ATAD2B: variants seen among roughly 807,000 people sequenced by gnomAD.
The protein encoded by ATAD2B is ATPase family AAA domain containing 2B, also known as ATPase family AAA domain-containing protein 2B.
ATAD2B carries 40 observed loss-of-function variants against 167.6 expected under a neutral mutation model. The ratio of observed to expected loss-of-function variants is 0.24; its 90% CI spans 0.19 to 0.31. The LOEUF (loss-of-function observed/expected upper bound fraction) is 0.31. Ranked by LOEUF, ATAD2B falls within the 10% of genes least tolerant of loss-of-function variation. The pLI, the probability that ATAD2B is intolerant of heterozygous loss-of-function variation, is 1.00. For synonymous variants in ATAD2B, 579 were observed against 596.5 expected (o/e 0.97, Z 0.43); for missense variants, 1,242 against 1,757.2 (o/e 0.71, Z 5.24).
At chr2:23,798,755 C>A (rs983021789) in intron 18 of ATAD2B, among the ~76,000 whole-genome samples, 4 of 152,082 alleles carry the variant, frequency 2.6e-5, no homozygotes, top group African/African-American at 9.7e-5. Context: ...TTTTGAGCAC[C>A]TTGACTAAAA....
At chr2:23,776,744 C>T (rs1334096242) in intron 22 of ATAD2B, among the ~76,000 whole-genome samples, 2 of 152,124 alleles carry the variant, frequency 1.3e-5, no homozygotes, top group Non-Finnish European at 2.9e-5. Context: ...TCTGCTGGCA[C>T]CTTAAGACAT....
the ATAD2B span, among the ~76,000 whole-genome samples, chr2:23,702,153 C>T: frequency 6.6e-6 from 1 of 152,096 alleles, no homozygotes. Flanking sequence ...CCCCCCACTT[C>T]CAGCCATTCC....
At chr2:23,882,387 G>A (rs1244733970) in intron 6 of ATAD2B, among the ~76,000 whole-genome samples, 1 of 151,230 alleles carries the variant, frequency 6.6e-6, no homozygotes, top group Non-Finnish European at 1.5e-5. Context: ...GTAGAGACAG[G>A]GTTTCACTAT....
chr2:23,859,862 A>G, intron 12 of ATAD2B, among the ~76,000 whole-genome samples: 1 of 151,806 alleles, frequency 6.6e-6, no homozygotes, highest in East Asian at 1.9e-4. Flanking sequence ...AGGCATGAGA[A>G]TCGCTTGAAC....
chr2:23,709,626 A>T, the ATAD2B span, among the ~76,000 whole-genome samples: 1 of 147,322 alleles, frequency 6.8e-6, no homozygotes, highest in South Asian at 2.2e-4. Flanking sequence ...ACCAAGACTA[A>T]GGGTCTCCTT....
At chr2:23,903,015 G>T (rs1003145899) in intron 1 of ATAD2B, among the ~76,000 whole-genome samples, 15 of 152,086 alleles carry the variant, frequency 9.9e-5, no homozygotes, top group Admixed American at 2.0e-4. Flanking sequence ...TGGGCAGATT[G>T]TTTGAGCTCA....
downstream of ATAD2B, among the ~76,000 whole-genome samples, chr2:23,743,864 G>A (rs998340199): frequency 1.3e-5 from 2 of 152,066 alleles, no homozygotes; most frequent in African/African-American, 4.8e-5. Flanking sequence ...TGGGCTCAAG[G>A]ATCCTTCTGC....
chr2:23,867,344 C>T (rs1268700488), intron 10 of ATAD2B, among the ~76,000 whole-genome samples: 1 of 152,116 alleles, frequency 6.6e-6, no homozygotes, highest in East Asian at 1.9e-4. Context: ...ATTAATTCAC[C>T]AAATTCTGTC....
At chr2:23,695,965 A>C in the ATAD2B span, 1 of 1,551,354 alleles carries the variant, frequency 6.4e-7, no homozygotes, top group Non-Finnish European at 8.7e-7. This position sits in a 1 kb window ranked among gnomAD's most constrained non-coding sequence, Gnocchi z 7.6. Flanking sequence ...GGCTGAGGTC[A>C]TCGTCTTGGT....
intron 13 of ATAD2B, among the ~76,000 whole-genome samples, chr2:23,854,326 C>T (rs770674542): frequency 1.6e-4 from 25 of 152,062 alleles, no homozygotes; most frequent in Non-Finnish European, 3.1e-4. Flanking sequence ...AACTTAAACC[C>T]TCACCTCTTA....
chr2:23,780,330 A>C (rs1679831132), intron 22 of ATAD2B, among the ~76,000 whole-genome samples: 1 of 150,160 alleles, frequency 6.7e-6, no homozygotes, highest in African/African-American at 2.4e-5. Flanking sequence ...AAAAAGAGGT[A>C]AAGCAAACAA....
intron 8 of ATAD2B, among the ~76,000 whole-genome samples, chr2:23,875,462 G>C (rs1696688479): frequency 6.6e-6 from 1 of 151,980 alleles, no homozygotes; most frequent in African/African-American, 2.4e-5. Context: ...CTGCGCCACT[G>C]CACTCCAGCC....
the ATAD2B span, among the ~76,000 whole-genome samples, chr2:23,731,770 G>A: frequency 1.3e-5 from 2 of 152,172 alleles, no homozygotes; most frequent in Non-Finnish European, 2.9e-5. Context: ...GAGGCCAGAA[G>A]TTCAAGACCA....
chr2:23,764,739 G>A (rs951118797), intron 23 of ATAD2B, among the ~76,000 whole-genome samples: 5 of 152,128 alleles, frequency 3.3e-5, no homozygotes, highest in Non-Finnish European at 5.9e-5. Context: ...CCTAGACCCC[G>A]CACCTCTTGA....
chr2:23,768,312 C>G (rs72780112), intron 22 of ATAD2B, among the ~76,000 whole-genome samples: 1 of 151,958 alleles, frequency 6.6e-6, no homozygotes, highest in African/African-American at 2.4e-5. Context: ...GGTAGTAGGA[C>G]TGCTTGAGCC....
At chr2:23,882,957 G>C (rs1226498264) in intron 6 of ATAD2B, among the ~76,000 whole-genome samples, 1 of 152,060 alleles carries the variant, frequency 6.6e-6, no homozygotes, top group Non-Finnish European at 1.5e-5. Flanking sequence ...AGCTGGCAGT[G>C]ATACTTAGGG....
At chr2:23,865,058 G>T in intron 10 of ATAD2B, 134 bp from the exon 11 acceptor site, 1 of 488,530 alleles carries the variant, frequency 2.0e-6, no homozygotes, top group Non-Finnish European at 3.6e-6. Flanking sequence ...CTACAAATAA[G>T]TGTAGAAAAA....
chr2:23,765,056 T>C (rs1007550171), intron 23 of ATAD2B, among the ~76,000 whole-genome samples: 3 of 152,232 alleles, frequency 2.0e-5, no homozygotes, highest in Non-Finnish European at 4.4e-5. Context: ...AGGACAAGAT[T>C]ATAAACTGAA....
intron 1 of ATAD2B, among the ~76,000 whole-genome samples, chr2:23,919,304 T>C (rs1703547213): frequency 6.6e-6 from 1 of 152,054 alleles, no homozygotes; most frequent in African/African-American, 2.4e-5. Context: ...CCCAGCACTT[T>C]GGGAGGCCGG....
Sources: gnomAD v4.1 joint callset for allele counts (sites outside exome capture counted in the v4.1 genomes callset) on GRCh38, gnomAD v4.1.1 for gene constraint, Gnocchi (gnomAD v3.1) non-coding constraint, MANE v1.5 for transcripts, NCBI Gene and HGNC (gene_info 2026-07-23, HGNC 2026-07-21) for gene names.